MFAP1: variants seen among roughly 807,000 people sequenced by gnomAD.
MFAP1 encodes microfibrillar-associated protein 1.
MFAP1 carries 18 observed loss-of-function variants against 62.2 expected under a neutral mutation model. The ratio of observed to expected loss-of-function variants is 0.29; its 90% confidence interval spans 0.20 to 0.43. The LOEUF (loss-of-function observed/expected upper bound fraction) is 0.43, where lower values mean the gene tolerates loss of function less well. Ranked by LOEUF, MFAP1 falls within the 20% of genes least tolerant of loss-of-function variation. The probability of loss-of-function intolerance (pLI) is 1.00; values close to 1 mark genes in which losing one functional copy is unlikely to be tolerated. For missense variants in MFAP1, 355 were observed against 559.7 expected, an observed-to-expected ratio of 0.63 and a Z score of 3.69; for synonymous variants, 175 against 180.4, an observed-to-expected ratio of 0.97 and a Z score of 0.24.
intron 1 of MFAP1, among the ~76,000 whole-genome samples, chr15:43,822,544 T>C (rs941022832): frequency 6.6e-6 from 1 of 151,928 alleles, no homozygotes; most frequent in African/African-American, 2.4e-5. Flanking sequence ...CGGCTAATTT[T>C]TGTATTTTTA....
At position 43,824,665 on chromosome 15, in the gene MFAP1, T is replaced by A. The variant is rs2087488389; in HGVS notation, c.-96A>T. 1 of 1,278,564 alleles carries A rather than the reference T, an allele frequency of 7.8e-7. No individual in the cohort carries two copies. The highest frequency in any genetic ancestry group is 1.1e-6 in the Non-Finnish European group (1 of 884,126). 79.2% of individuals were successfully genotyped at this position (1,278,564 alleles called of 1,614,324 possible). ...AGAGAAGAAATTCCTTCCACCTGAG[T>A]CCGCGAACACAGCTGCGCGACTGAT... On this transcript the variant is annotated 5_prime_UTR_variant, in exon 1 of 9. Transcript: ENST00000267812.
chr15:43,822,200 CAAAAA>C (rs779775224), intron 1 of MFAP1, among the ~76,000 whole-genome samples: 1 of 65,952 alleles, frequency 1.5e-5, no homozygotes. Context: ...AACTCTTTCT[CAAAAA>C]AAAAAAAAAA....
At chr15:43,808,515 A>C (rs2087379556) in intron 7 of MFAP1, among the ~76,000 whole-genome samples, 1 of 152,228 alleles carries the variant, frequency 6.6e-6, no homozygotes. Flanking sequence ...TTTCACATAC[A>C]CTTTTCTTAT....
Position 43,805,095 on chromosome 15 carries a change from TA to T in MFAP1, c.1318del (p.Ter440ArgfsTer43). On this transcript the variant is annotated frameshift_variant and stop_lost, in exon 9 of 9. Coordinates refer to ENST00000267812, the MANE Select transcript of MFAP1 (RefSeq NM_005926.3). LOFTEE classifies it high-confidence loss of function. The stretch of plus-strand genomic sequence containing the variant: ...GTTGGAAGAATAAGCAGTTGGACCC[TA>T]GGTAGTTTTCCGCTTCTTGGCAGAT... ...RPSAKKRKTT[*>X] 6.3e-7 allele frequency: 1 copy of T among 1,580,336 alleles called. No homozygotes were observed. Among genetic ancestry groups the T allele is most frequent in the Non-Finnish European group, 8.7e-7 (1 of 1,154,220 alleles).
At chr15:43,807,268 T>A (rs960099994) in intron 7 of MFAP1, among the ~76,000 whole-genome samples, 18 of 151,018 alleles carry the variant, frequency 1.2e-4, no homozygotes, top group African/African-American at 4.4e-4. Context: ...GGAGAATTGC[T>A]TGAACCCGGG....
chr15:43,811,585 G>A (rs1295393527), intron 6 of MFAP1, among the ~76,000 whole-genome samples: 2 of 148,634 alleles, frequency 1.3e-5, no homozygotes, highest in African/African-American at 2.5e-5. Context: ...TCAGCTCACC[G>A]CAACCTCTGC....
intron 1 of MFAP1, among the ~76,000 whole-genome samples, chr15:43,818,729 CA>C (rs1377819150): frequency 2.0e-5 from 3 of 151,428 alleles, no homozygotes; most frequent in African/African-American, 4.9e-5. Flanking sequence ...CTACTAAAAA[CA>C]AAAAAAATTA....
At chr15:43,817,113 G>T in intron 2 of MFAP1, 116 bp downstream of exon 2, 3 of 1,045,274 alleles carry the variant, frequency 2.9e-6, no homozygotes, top group South Asian at 1.6e-5. Flanking sequence ...TTATTGTATG[G>T]ATTACAAGAA....
chr15:43,815,079 A>G lies in MFAP1; in HGVS notation c.300-5T>C. ...ATTTTTCGATGTCGAGCCAATCTGA[A>G]AAACAGTATCTCCAAATGTAACACC... On this transcript the variant is annotated splice_region_variant and splice_polypyrimidine_tract_variant and intron_variant, in intron 2 of 8. Coordinates refer to ENST00000267812, the MANE Select transcript of MFAP1 (RefSeq NM_005926.3). The G allele has an allele frequency of 6.2e-7, 1 of 1,614,050 alleles. No homozygotes were observed. Among genetic ancestry groups the G allele is most frequent in the South Asian group, 1.1e-5 (1 of 91,066 alleles).
At chr15:43,810,334 A>ACCATCATTAATTAGATTGCAG (rs1237412794) in intron 6 of MFAP1, among the ~76,000 whole-genome samples, 6 of 151,298 alleles carry the variant, frequency 4.0e-5, no homozygotes, top group African/African-American at 1.5e-4. Context: ...ACCAAAGATT[A>ACCATCATTAATTAGATTGCAG]CCATCATTAA....
intron 2 of MFAP1, among the ~76,000 whole-genome samples, chr15:43,815,818 G>A (rs1265534629): frequency 6.6e-6 from 1 of 151,948 alleles, no homozygotes; most frequent in African/African-American, 2.4e-5. Context: ...ATTTTTAGTA[G>A]AGATGGAGTT....
chr15:43,807,721 CAT>C (rs371913429), intron 7 of MFAP1, among the ~76,000 whole-genome samples: 379 of 152,264 alleles, frequency 2.5e-3, no homozygotes, highest in Non-Finnish European at 4.5e-3. Context: ...CCAAATATAA[CAT>C]CTCTCTCGTC....
chr15:43,805,907 C>T (rs28509275), intron 7 of MFAP1, among the ~76,000 whole-genome samples: 15,505 of 151,664 alleles, frequency 0.1, 931 homozygotes, highest in East Asian at 0.26. Context: ...CCACTGCGCC[C>T]GGCCGAGATG....
At chr15:43,812,929 T>C (rs1023586077) in intron 6 of MFAP1, 58 bp downstream of exon 6, 18 of 1,585,722 alleles carry the variant, frequency 1.1e-5, no homozygotes, top group Non-Finnish European at 1.5e-5. Flanking sequence ...CTCAGAGCTA[T>C]CCTGCTAGAA....
chr15:43,811,395 G>A (rs1440118876), intron 6 of MFAP1, among the ~76,000 whole-genome samples: 16 of 137,386 alleles, frequency 1.2e-4, no homozygotes, highest in African/African-American at 3.6e-4. Context: ...CAGCCTGGGC[G>A]ACAGAGTGAG....
intron 1 of MFAP1, among the ~76,000 whole-genome samples, chr15:43,819,194 A>G (rs2087452679): frequency 6.6e-6 from 1 of 152,250 alleles, no homozygotes; most frequent in Non-Finnish European, 1.5e-5. Context: ...CTCTGTCTTT[A>G]AAAACAAAAC....
At chr15:43,819,404 A>G (rs1004731835) in intron 1 of MFAP1, among the ~76,000 whole-genome samples, 1 of 152,214 alleles carries the variant, frequency 6.6e-6, no homozygotes, top group South Asian at 2.1e-4. Context: ...AGTCTCCCAA[A>G]GTGCTAGGAT....
At chr15:43,816,963 T>C (rs963602373) in intron 2 of MFAP1, among the ~76,000 whole-genome samples, 3 of 152,172 alleles carry the variant, frequency 2.0e-5, no homozygotes. Flanking sequence ...AGGAGTTGAG[T>C]AGGTCCTTTA....
intron 2 of MFAP1, 61 bp downstream of exon 2, chr15:43,817,168 A>G (rs1183392135): frequency 8.2e-6 from 10 of 1,213,662 alleles, no homozygotes; most frequent in Non-Finnish European, 9.3e-6. Flanking sequence ...AGTATTAGCT[A>G]TTATTATTAT....
Sources: gnomAD v4.1 joint callset for allele counts (sites outside exome capture counted in the v4.1 genomes callset) on GRCh38, gnomAD v4.1.1 for gene constraint, MANE v1.5 for transcripts, NCBI Gene and HGNC (gene_info 2026-07-23, HGNC 2026-07-21) for gene names.